The following CDH18 variants were observed in gnomAD, a reference collection of about 807,000 sequenced individuals.
The protein encoded by CDH18 is cadherin-18.
CDH18 carries 31 observed loss-of-function variants against 67.9 expected under a neutral mutation model. The ratio of observed to expected loss-of-function variants is 0.46; its 90% CI spans 0.34 to 0.62. The LOEUF (loss-of-function observed/expected upper bound fraction) is 0.62, where lower values mean the gene tolerates loss of function less well. Ranked by LOEUF, CDH18 falls within the 20% of genes least tolerant of loss-of-function variation. The probability of loss-of-function intolerance (pLI) is 0.01; values close to 1 mark genes in which losing one functional copy is unlikely to be tolerated. For synonymous variants in CDH18, 362 were observed against 347.2 expected, an observed-to-expected ratio of 1.04 and a Z score of -0.48; for missense variants, 890 against 975.5, an observed-to-expected ratio of 0.91 and a Z score of 1.17.
intron 10 of CDH18, among the ~76,000 whole-genome samples, chr5:19,505,527 A>G (rs905452461): frequency 1.3e-5 from 2 of 152,114 alleles, no homozygotes; most frequent in African/African-American, 4.8e-5. Context: ...TTTAGCATGA[A>G]GCATTGTTGA....
rs1387731519 is a variant in CDH18 at position 19,514,830 on chromosome 5, T to C, written c.1512+5827A>G. On this transcript the variant is annotated intron_variant, in intron 10 of 12. Coordinates refer to ENST00000382275, the MANE Select transcript of CDH18 (RefSeq NM_004934.5). ...ACTCTGATGGTAGTTTCTTTTGCTG[T>C]GCTGAAGGTTTTTAGTTTAATTAGA... Among the ~76,000 whole-genome samples the C allele has an allele frequency of 2.6e-5, 4 of 152,252 alleles. No homozygotes were observed. In the East Asian group the frequency reaches 7.7e-4, roughly 29 times the overall value.
At chr5:20,020,659 G>A (rs1561720041) in intron 2 of CDH18, among the ~76,000 whole-genome samples, 1 of 152,128 alleles carries the variant, frequency 6.6e-6, no homozygotes, top group Non-Finnish European at 1.5e-5. Flanking sequence ...GGTGTGCCGG[G>A]GCCAAGGGTT....
chr5:19,475,369 C>T (rs1004163703), intron 12 of CDH18, among the ~76,000 whole-genome samples: 11 of 152,014 alleles, frequency 7.2e-5, no homozygotes, highest in African/African-American at 2.7e-4. Context: ...CATTAGCCTA[C>T]AGTTTGCCAA....
intron 2 of CDH18, among the ~76,000 whole-genome samples, chr5:19,939,802 A>G (rs554041119): frequency 6.6e-6 from 1 of 151,994 alleles, no homozygotes; most frequent in South Asian, 2.1e-4. Flanking sequence ...AATAGTTCAT[A>G]ATACCATAAA....
chr5:19,998,290 A>T (rs1444294041), intron 2 of CDH18, among the ~76,000 whole-genome samples: 2 of 152,174 alleles, frequency 1.3e-5, no homozygotes, highest in Non-Finnish European at 2.9e-5. Context: ...AGACGGGCTA[A>T]ACTATTTTAA....
chr5:20,124,741 A>C (rs981660456), intron 2 of CDH18, among the ~76,000 whole-genome samples: 5 of 152,192 alleles, frequency 3.3e-5, no homozygotes, highest in African/African-American at 1.2e-4. Flanking sequence ...GATGCATCCC[A>C]AAAATCTAGA....
chr5:19,610,497 G>C (rs1270768368), intron 6 of CDH18, among the ~76,000 whole-genome samples: 2 of 151,814 alleles, frequency 1.3e-5, no homozygotes, highest in Non-Finnish European at 2.9e-5. Context: ...AAGAAATGGA[G>C]AAAAAGAGAG....
At chr5:19,981,531 G>A (rs1281531964) in intron 1 of CDH18, among the ~76,000 whole-genome samples, 1 of 152,152 alleles carries the variant, frequency 6.6e-6, no homozygotes, top group Non-Finnish European at 1.5e-5. Context: ...TGTGGCAAGA[G>A]GAAGTGAACC....
chr5:19,785,398 A>C (rs1289176967), intron 3 of CDH18, among the ~76,000 whole-genome samples: 1 of 151,408 alleles, frequency 6.6e-6, no homozygotes, highest in Admixed American at 6.6e-5. Context: ...CATACCTGCA[A>C]TCCCAGCACT....
chr5:20,008,031 T>C (rs960721701), intron 2 of CDH18, among the ~76,000 whole-genome samples: 2 of 152,030 alleles, frequency 1.3e-5, no homozygotes, highest in Non-Finnish European at 2.9e-5. Flanking sequence ...TATAGACATA[T>C]TCTGGGAGTT....
Position 20,305,510 on chromosome 5 carries a change from G to T in CDH18, c.-579-50005C>A, listed in dbSNP as rs530040548. The T allele has an allele frequency of 2.2e-4, 218 of 1,004,828 alleles. 1 individual carries two copies. The African/African-American group carries it at 2.4e-3, about 11-fold the overall frequency. The allele number at this position is 1,004,828 out of a possible 1,614,324, so 62.2% of individuals were successfully genotyped here. ...CTGGGTCTTGGGTGCCGCGAAACCC[G>T]GGGCGCAGCGGCGCAGGGGTCTCGA... On this transcript the variant is annotated intron_variant, in intron 1 of 14. Transcript: ENST00000507958.
At chr5:19,856,417 C>G (rs781382039) in intron 2 of CDH18, among the ~76,000 whole-genome samples, 2 of 152,132 alleles carry the variant, frequency 1.3e-5, no homozygotes, top group African/African-American at 4.8e-5. Flanking sequence ...GGCAGATGTA[C>G]AAATTTGCAT....
At chr5:19,865,675 T>C (rs2149998658) in intron 2 of CDH18, among the ~76,000 whole-genome samples, 1 of 152,216 alleles carries the variant, frequency 6.6e-6, no homozygotes, top group Admixed American at 6.5e-5. Context: ...TCTTTGCCCC[T>C]TTCAGGGGTT....
intron 2 of CDH18, among the ~76,000 whole-genome samples, chr5:19,904,311 A>AAAAG (rs1561534790): frequency 2.1e-4 from 30 of 145,916 alleles, no homozygotes; most frequent in African/African-American, 7.6e-4. Flanking sequence ...GAAAAGAAAA[A>AAAAG]ACGAAAAGAA....
chr5:20,569,248 G>T (rs1035523240), intron 1 of CDH18, among the ~76,000 whole-genome samples: 1 of 152,288 alleles, frequency 6.6e-6, no homozygotes, highest in Middle Eastern at 3.4e-3. Flanking sequence ...GAGAGGAAAA[G>T]AAAGTCAGAG....
chr5:20,315,273 C>A (rs1174756081), intron 1 of CDH18, among the ~76,000 whole-genome samples: 2 of 151,964 alleles, frequency 1.3e-5, no homozygotes, highest in Admixed American at 6.6e-5. Flanking sequence ...TATCATAAAT[C>A]CATACAGTGC....
chr5:20,334,131 C>CTTTATTTTTTTTTTTT (rs1739464160), intron 1 of CDH18, among the ~76,000 whole-genome samples: 1 of 81,654 alleles, frequency 1.2e-5, no homozygotes, highest in Non-Finnish European at 2.3e-5. Context: ...GACTTGAATT[C>CTTTATTTTTTTTTTTT]TTTTTTTTTT....
intron 1 of CDH18, among the ~76,000 whole-genome samples, chr5:20,468,893 T>C (rs1751856469): frequency 6.6e-6 from 1 of 152,186 alleles, no homozygotes; most frequent in Non-Finnish European, 1.5e-5. Context: ...AAATTTAAAA[T>C]ACATTAATCG....
intron 2 of CDH18, among the ~76,000 whole-genome samples, chr5:20,114,343 C>A (rs898092650): frequency 1.3e-5 from 2 of 152,018 alleles, no homozygotes; most frequent in African/African-American, 2.4e-5. Flanking sequence ...AAAAAGTGAA[C>A]ATAGACTAAG....
Sources: gnomAD v4.1 joint callset for allele counts (sites outside exome capture counted in the v4.1 genomes callset) on GRCh38, gnomAD v4.1.1 for gene constraint, MANE v1.5 for transcripts, NCBI Gene and HGNC (gene_info 2026-07-23, HGNC 2026-07-21) for gene names.